NAALADL2: variants seen among roughly 807,000 people sequenced by gnomAD.
NAALADL2 encodes inactive N-acetylated-alpha-linked acidic dipeptidase-like protein 2.
A neutral mutation model predicts 87.2 loss-of-function variants in NAALADL2; 76 were observed. The ratio of observed to expected loss-of-function variants is 0.87; its 90% CI spans 0.72 to 1.05. The LOEUF (loss-of-function observed/expected upper bound fraction) is 1.05, where lower values mean the gene tolerates loss of function less well. Ranked by LOEUF, NAALADL2 falls within the 50% of genes least tolerant of loss-of-function variation. The pLI, the probability that NAALADL2 is intolerant of heterozygous loss-of-function variation, is 0.00. For synonymous variants in NAALADL2, 354 were observed against 331.0 expected (o/e 1.07, Z -0.75); for missense variants, 1,089 against 945.8 (o/e 1.15, Z -1.99).
At chr3:174,525,933 A>G (rs1430657120) in intron 1 of NAALADL2, among the ~76,000 whole-genome samples, 1 of 152,186 alleles carries the variant, frequency 6.6e-6, no homozygotes, top group Admixed American at 6.5e-5. Flanking sequence ...TTCTGATCTT[A>G]TACAAGAGTA....
At chr3:174,893,318 C>T (rs1475403676) in intron 1 of NAALADL2, among the ~76,000 whole-genome samples, 1 of 142,626 alleles carries the variant, frequency 7.0e-6, no homozygotes, top group East Asian at 2.2e-4. Flanking sequence ...CAACCCCCCC[C>T]CGCAAAAAGT....
intron 4 of NAALADL2, among the ~76,000 whole-genome samples, chr3:175,290,266 T>C (rs1447996924): frequency 6.6e-6 from 1 of 152,190 alleles, no homozygotes; most frequent in Non-Finnish European, 1.5e-5. Flanking sequence ...ACAATCTAAA[T>C]ATCCATCAAC....
rs1760386224 is a variant in NAALADL2, at chr3:175,324,193, G to A, written c.958G>A (p.Ala320Thr). ...LLYKLSSLEK[A>T]GFGGVLLYID... is the part of the protein sequence containing the mutation. ...CTTTTAGCTTTCCTCATTGGAAAAG[G>A]CTGGATTTGGAGGTGTTCTTCTGTA... Residue 320 changes from alanine (A) to threonine (T), a missense_variant, in exon 5 of 14, where the codon GCT (alanine) becomes ACT (threonine). Physicochemically the swap from Ala to Thr is moderately conservative, Grantham distance 58. Coordinates refer to ENST00000454872, the MANE Select transcript of NAALADL2 (RefSeq NM_207015.3). 1.2e-6 allele frequency: 2 copies of A among 1,612,910 alleles called. No individual in the cohort carries two copies. The highest frequency in any genetic ancestry group is 1.7e-6 in the Non-Finnish European group (2 of 1,179,434).
intron 2 of NAALADL2, among the ~76,000 whole-genome samples, chr3:174,560,628 T>G (rs1159361342): frequency 6.6e-6 from 1 of 152,192 alleles, no homozygotes; most frequent in African/African-American, 2.4e-5. Flanking sequence ...TACTGTATTT[T>G]GATTGATGGT....
chr3:175,270,393 A>C (rs1211613637), intron 4 of NAALADL2, among the ~76,000 whole-genome samples: 3 of 152,194 alleles, frequency 2.0e-5, no homozygotes, highest in Non-Finnish European at 2.9e-5. Flanking sequence ...ATTACGGTTA[A>C]ATCACTCTTC....
intron 9 of NAALADL2, among the ~76,000 whole-genome samples, chr3:175,516,313 CTT>C (rs1374308016): frequency 6.6e-6 from 1 of 152,156 alleles, no homozygotes; most frequent in Non-Finnish European, 1.5e-5. Flanking sequence ...GAGAAGCAGA[CTT>C]TTACCTTGCT....
chr3:175,627,172 A>G (rs1727099665), intron 10 of NAALADL2, 119 bp from the exon 11 acceptor site: 3 of 724,882 alleles, frequency 4.1e-6, no homozygotes, highest in Non-Finnish European at 6.9e-6. Context: ...AAATCCAGCA[A>G]TCAACAGAAA....
chr3:175,607,832 A>G (rs1723980208), intron 10 of NAALADL2, among the ~76,000 whole-genome samples: 1 of 151,916 alleles, frequency 6.6e-6, no homozygotes, highest in South Asian at 2.1e-4. Flanking sequence ...TTTTAATCCA[A>G]GTGATTCTAA....
chr3:175,010,942 A>G (rs1019441230), intron 1 of NAALADL2, among the ~76,000 whole-genome samples: 1 of 152,150 alleles, frequency 6.6e-6, no homozygotes, highest in Non-Finnish European at 1.5e-5. Context: ...GGACAATTAC[A>G]TTGCACAATG....
At chr3:175,171,490 T>C (rs570844619) in intron 2 of NAALADL2, among the ~76,000 whole-genome samples, 17 of 152,068 alleles carry the variant, frequency 1.1e-4, no homozygotes, top group Non-Finnish European at 2.5e-4. Context: ...AATGTATAAT[T>C]AGAAACATAA....
At chr3:174,892,415 G>A (rs1730966261) in intron 1 of NAALADL2, among the ~76,000 whole-genome samples, 1 of 152,078 alleles carries the variant, frequency 6.6e-6, no homozygotes, top group African/African-American at 2.4e-5. Context: ...TTCTGAACCA[G>A]TGTATTTGAA....
intron 3 of NAALADL2, among the ~76,000 whole-genome samples, chr3:174,835,436 T>C (rs769466322): frequency 1.3e-5 from 2 of 152,092 alleles, no homozygotes; most frequent in Non-Finnish European, 2.9e-5. Flanking sequence ...CCTTCTGACA[T>C]TGGATTTAGC....
At chr3:175,034,031 C>T (rs139355241) in intron 1 of NAALADL2, among the ~76,000 whole-genome samples, 4 of 152,268 alleles carry the variant, frequency 2.6e-5, no homozygotes, top group Non-Finnish European at 5.9e-5. Context: ...AGAATATCCA[C>T]GCTTCTTGAT....
chr3:174,633,471 C>A (rs1578380394), intron 2 of NAALADL2, among the ~76,000 whole-genome samples: 1 of 152,158 alleles, frequency 6.6e-6, no homozygotes. Flanking sequence ...AATGATGCAT[C>A]TTTCCCTTCA....
chr3:174,633,819 GAA>G (rs1722379402), intron 2 of NAALADL2, among the ~76,000 whole-genome samples: 1 of 152,156 alleles, frequency 6.6e-6, no homozygotes, highest in South Asian at 2.1e-4. Context: ...ATCATTAAAT[GAA>G]GAGTCTTGCC....
chr3:175,287,712 T>C (rs1472588558), intron 4 of NAALADL2, among the ~76,000 whole-genome samples: 1 of 152,200 alleles, frequency 6.6e-6, no homozygotes, highest in African/African-American at 2.4e-5. Context: ...AGTCTCCGTC[T>C]TGTGAGTTGG....
intron 2 of NAALADL2, among the ~76,000 whole-genome samples, chr3:175,121,202 C>T (rs562619679): frequency 1.8e-4 from 27 of 151,980 alleles, no homozygotes; most frequent in Non-Finnish European, 3.2e-4. Flanking sequence ...TCTGGCCAAA[C>T]GGCCATACAG....
rs567304168 is a variant in NAALADL2, at chr3:175,299,982, A to T, written c.940-24193A>T. On this transcript the variant is annotated intron_variant, in intron 4 of 13. Coordinates refer to ENST00000454872, the MANE Select transcript of NAALADL2 (RefSeq NM_207015.3). ...GTCCATCAATACATAGTTTAATGAG[A>T]CTTTTTAGGATGAAGGGGTGTTGAA... Among the ~76,000 whole-genome samples, 7 of 152,236 alleles carry T rather than the reference A, an allele frequency of 4.6e-5. No homozygotes were observed. In the South Asian group the frequency reaches 1.0e-3, roughly 23 times the overall value.
intron 2 of NAALADL2, among the ~76,000 whole-genome samples, chr3:174,557,887 G>A (rs1483234758): frequency 6.6e-6 from 1 of 152,128 alleles, no homozygotes; most frequent in African/African-American, 2.4e-5. Flanking sequence ...TTCTAGCGGA[G>A]TCAAACAGGA....
Sources: allele counts gnomAD v4.1 joint callset (sites outside exome capture counted in the v4.1 genomes callset), GRCh38; gene constraint gnomAD v4.1.1; transcripts MANE v1.5; gene names NCBI Gene and HGNC (gene_info 2026-07-23, HGNC 2026-07-21).